The following DSP variants were observed in gnomAD, a reference collection of about 807,000 sequenced individuals.
The protein encoded by DSP is 250/210 kDa paraneoplastic pemphigus antigen.
In DSP, 114 loss-of-function variants were observed where a neutral mutation model predicts 290.6. The observed-to-expected ratio is 0.39, with a 90% CI of 0.34 to 0.46. The LOEUF is 0.46. Among genes scored for constraint, DSP ranks in the 20% least tolerant of loss-of-function variants. The pLI is 0.99. For synonymous variants in DSP, 1,311 were observed against 1,316.4 expected, an observed-to-expected ratio of 1.00 and a Z score of 0.09; for missense variants, 3,230 against 3,495.8, an observed-to-expected ratio of 0.92 and a Z score of 1.92.
rs1759369971 is a variant in DSP, at chr6:7,579,994, G to A, written c.3804G>A (p.Arg1268=). Residue 1268 remains arginine, a synonymous_variant, in exon 23 of 24, where the codon AGG becomes AGA. Coordinates refer to ENST00000379802, the MANE Select transcript of DSP (RefSeq NM_004415.4). The surrounding 1 kb of genome is among the most constrained non-coding windows in gnomAD (Gnocchi z 4.1). ...TCTTGCAGGCCACTGAGCAGCGAAG[G>A]CGAGCTGAAGAAAACGCCCTTCAGC... is the stretch of plus-strand genomic sequence containing the variant. The part of the protein sequence containing the change: ...DSILQATEQR[R]RAEENALQQK... 2 of 1,614,122 alleles carry A rather than the reference G, an allele frequency of 1.2e-6. No homozygotes were observed. The highest frequency in any genetic ancestry group is 1.3e-5 in the African/African-American group (1 of 75,028).
chr6:7,563,198 G>A (rs1758755819), intron 5 of DSP, among the ~76,000 whole-genome samples: 2 of 152,062 alleles, frequency 1.3e-5, no homozygotes, highest in South Asian at 2.1e-4. Context: ...CCCGACACCC[G>A]CTCCCATGCT....
At position 7,565,647 on chromosome 6, in the gene DSP, T is replaced by C; in HGVS notation, c.939+127T>C. ...ACTTGCAATTCAGCCTTCTTTGAAATGGTCGTGAAAAATCCTTCCTTCCTG... is the reference window on the plus strand; with the variant it reads ...ACTTGCAATTCAGCCTTCTTTGAAACGGTCGTGAAAAATCCTTCCTTCCTG... On this transcript the variant is annotated intron_variant, in intron 7 of 23. Coordinates refer to ENST00000379802, the MANE Select transcript of DSP (RefSeq NM_004415.4). This position sits in a 1 kb window ranked among gnomAD's most constrained non-coding sequence, Gnocchi z 4.2. 7.5e-7 allele frequency: 1 copy of C among 1,324,694 alleles called. No homozygotes were observed. Among genetic ancestry groups the C allele is most frequent in the East Asian group, 2.5e-5 (1 of 40,744 alleles). The allele number at this position is 1,324,694 out of a possible 1,614,324, so 82.1% of individuals were successfully genotyped here.
intron 1 of DSP, among the ~76,000 whole-genome samples, chr6:7,554,237 A>T (rs1021114459): frequency 6.6e-6 from 1 of 152,130 alleles, no homozygotes. Context: ...ACAGACATTA[A>T]ATAATCACTT....
At chr6:7,549,644 A>G (rs1242210144) in intron 1 of DSP, among the ~76,000 whole-genome samples, 2 of 152,168 alleles carry the variant, frequency 1.3e-5, no homozygotes, top group African/African-American at 4.8e-5. Context: ...CCTAACACAC[A>G]TTTCCTGAGT....
At position 7,566,511 on chromosome 6, in the gene DSP, A is replaced by AG. The variant is rs757860390; in HGVS notation, c.1044+31dup. ...GCTTCATGAGGTTTATATTTTTGTT[A>AG]GAAAAAAAAAAACTTTTCATAAAGT... On this transcript the variant is annotated intron_variant, in intron 8 of 23. Transcript: ENST00000379802. The AG allele has an allele frequency of 2.2e-5, 35 of 1,573,424 alleles. No homozygotes were observed. In the African/African-American group the frequency reaches 2.7e-4, roughly 12 times the overall value.
intron 15 of DSP, among the ~76,000 whole-genome samples, chr6:7,572,523 G>A (rs532303648): frequency 2.6e-4 from 39 of 152,290 alleles, no homozygotes; most frequent in African/African-American, 8.9e-4. Context: ...CACTGCACTG[G>A]AAGGCCTAAA....
intron 1 of DSP, among the ~76,000 whole-genome samples, chr6:7,552,564 G>GA (rs377022218): frequency 0.038 from 3,863 of 101,466 alleles, 90 homozygotes; most frequent in Middle Eastern, 0.062. Flanking sequence ...CTCCATCTCG[G>GA]AAAAAAAAAA....
chr6:7,577,105 C>A, intron 20 of DSP, 63 bp downstream of exon 20: 1 of 1,369,974 alleles, frequency 7.3e-7, no homozygotes, highest in Non-Finnish European at 1.0e-6. Context: ...GCATGACTTG[C>A]TGATTTGTTG....
chr6:7,577,050 G>C lies in DSP; in HGVS notation c.2877+8G>C. On this transcript the variant is annotated splice_region_variant and intron_variant, in intron 20 of 23. Coordinates refer to ENST00000379802, the MANE Select transcript of DSP (RefSeq NM_004415.4). ...TGCGCCAATTCAATTAAGGTATGTT[G>C]GTTTCATAAAGAATGTTGGTATTTC... The C allele has an allele frequency of 1.9e-6, 3 of 1,600,340 alleles. No individual in the cohort carries two copies. The highest frequency in any genetic ancestry group is 2.6e-6 in the Non-Finnish European group (3 of 1,172,074).
At chr6:7,558,367 CA>C (rs1758568961) in intron 3 of DSP, 103 bp downstream of exon 3, 28 of 1,482,712 alleles carry the variant, frequency 1.9e-5, no homozygotes, top group Non-Finnish European at 2.5e-5. Flanking sequence ...GAAGGCAGCA[CA>C]AATGTTCCCA....
intron 2 of DSP, among the ~76,000 whole-genome samples, chr6:7,557,834 G>A (rs1561680423): frequency 6.6e-6 from 1 of 152,202 alleles, no homozygotes; most frequent in Admixed American, 6.5e-5. Flanking sequence ...TGAGACTTGT[G>A]TGTAAATATG....
At position 7,586,205 on chromosome 6, in the gene DSP, T is replaced by C. The variant is rs1759669321; in HGVS notation, c.*327T>C. The C allele has an allele frequency of 8.7e-6, 2 of 230,890 alleles. No homozygotes were observed. The highest frequency in any genetic ancestry group is 1.0e-4 in the Admixed American group (2 of 19,112). The allele number at this position is 230,890 out of a possible 1,614,324, so 14.3% of individuals were successfully genotyped here. On this transcript the variant is annotated 3_prime_UTR_variant, in exon 24 of 24. Transcript: ENST00000379802. ...ATTCTTTAATTTTGGAAGCCTATAA[T>C]ACAGTTTTCTATTCTTGGAGATAAA...
rs1456996757 is a variant in DSP, at chr6:7,563,099, C to G, written c.726+319C>G. Among the ~76,000 whole-genome samples the G allele has an allele frequency of 2.6e-5, 4 of 152,284 alleles. No homozygotes were observed. In the South Asian group the frequency reaches 8.3e-4, roughly 32 times the overall value. On this transcript the variant is annotated intron_variant, in intron 5 of 23. Transcript: ENST00000379802. The stretch of plus-strand genomic sequence containing the variant: ...ATCTTTTTGAATAGGGGAAATGCAA[C>G]AGTCTTATACAGTAGTTTGTGTCAT...
Position 7,584,026 on chromosome 6 carries a change from A to G in DSP, c.6764A>G (p.Gln2255Arg). Residue 2255 changes from glutamine (Q) to arginine (R), a missense_variant, in exon 24 of 24, where the codon CAG (glutamine) becomes CGG (arginine). Physicochemically the swap from Gln to Arg is conservative, Grantham distance 43. Transcript: ENST00000379802. This position sits in a 1 kb window ranked among gnomAD's most constrained non-coding sequence, Gnocchi z 6.4. ...EVGERIKDFL[Q>R]GSSCIAGIYN... Reference sequence around the variant, plus strand: ...GGTGAGAGAATTAAGGACTTCCTCCAGGGTTCAAGCTGCATAGCAGGCATA... The same window carrying G: ...GGTGAGAGAATTAAGGACTTCCTCCGGGGTTCAAGCTGCATAGCAGGCATA... 6.2e-7 allele frequency: 1 copy of G among 1,614,230 alleles called. No individual in the cohort carries two copies. Among genetic ancestry groups the G allele is most frequent in the East Asian group, 2.2e-5 (1 of 44,888 alleles).
intron 23 of DSP, among the ~76,000 whole-genome samples, chr6:7,581,872 G>C (rs988508001): frequency 6.6e-6 from 1 of 152,072 alleles, no homozygotes; most frequent in Non-Finnish European, 1.5e-5. Flanking sequence ...CTACTTCTTA[G>C]AAGTTAGCTC....
chr6:7,561,531 CCCGATTTGTGTTTG>C (rs1758691935), intron 4 of DSP, among the ~76,000 whole-genome samples: 1 of 152,086 alleles, frequency 6.6e-6, no homozygotes, highest in South Asian at 2.1e-4. Flanking sequence ...GTTTTGTTTT[CCCGATTTGTGTTTG>C]CCGATGGACA....
Position 7,555,744 on chromosome 6 carries a change from A to G in DSP, c.197A>G (p.Gln66Arg). The G allele has an allele frequency of 6.2e-7, 1 of 1,614,258 alleles. No individual in the cohort carries two copies. Among genetic ancestry groups the G allele is most frequent in the Non-Finnish European group, 8.5e-7 (1 of 1,180,040 alleles). ...YCQTGTMSRH[Q>R]NQNTIQELLQ... ...CAAACCGGCACGATGTCCAGGCACC[A>G]GAACCAGAACACCATCCAGGAGCTG... The change falls in exon 2 of 24, where the codon CAG becomes CGG. Residue 66 changes from glutamine to arginine, a missense_variant. Gln to Arg is a conservative substitution (Grantham distance 43). This residue lies in a region of DSP where 646 missense variants were observed against 684.3 expected (regional missense o/e 0.94). Transcript: ENST00000379802.
At chr6:7,549,588 A>T (rs1235855439) in intron 1 of DSP, among the ~76,000 whole-genome samples, 3 of 152,242 alleles carry the variant, frequency 2.0e-5, no homozygotes, top group Admixed American at 1.3e-4. Flanking sequence ...AGCTAAGCAA[A>T]TAGGCCTCAC....
chr6:7,562,849 C>T, intron 5 of DSP, 69 bp downstream of exon 5: 1 of 1,599,714 alleles, frequency 6.3e-7, no homozygotes, highest in South Asian at 1.1e-5. Flanking sequence ...TACTCAATCC[C>T]AGGGAGTTTC....
Sources: allele counts gnomAD v4.1 joint callset (sites outside exome capture counted in the v4.1 genomes callset), GRCh38; gene constraint gnomAD v4.1.1; regional missense constraint gnomAD v4.1.1; non-coding constraint Gnocchi (gnomAD v3.1); transcripts MANE v1.5; gene names NCBI Gene and HGNC (gene_info 2026-07-23, HGNC 2026-07-21).